VDAC1: variants seen among roughly 807,000 people sequenced by gnomAD.
VDAC1 encodes voltage dependent anion channel 1, also known as non-selective voltage-gated ion channel VDAC1.
In VDAC1, 10 loss-of-function variants were observed where a neutral mutation model predicts 34.7. That is an observed-to-expected ratio of 0.29 (90% confidence interval 0.18 to 0.49). VDAC1 has a LOEUF of 0.49. Among genes scored for constraint, VDAC1 ranks in the 20% least tolerant of loss-of-function variants. The probability of loss-of-function intolerance (pLI) is 0.99; values close to 1 mark genes in which losing one functional copy is unlikely to be tolerated. For synonymous variants in VDAC1, 130 were observed against 136.0 expected, an observed-to-expected ratio of 0.96 and a Z score of 0.30; for missense variants, 230 against 347.9, an observed-to-expected ratio of 0.66 and a Z score of 2.69.
At chr5:133,988,081 C>G (rs1296234522) in intron 5 of VDAC1, among the ~76,000 whole-genome samples, 2 of 152,144 alleles carry the variant, frequency 1.3e-5, no homozygotes, top group Non-Finnish European at 2.9e-5. Flanking sequence ...ATTTAGGAAC[C>G]TGAACTGGAT....
At chr5:134,085,066 T>TTC in the VDAC1 span, among the ~76,000 whole-genome samples, 1 of 126,902 alleles carries the variant, frequency 7.9e-6, no homozygotes, top group African/African-American at 2.7e-5. Flanking sequence ...ATGATCTCTT[T>TTC]TTTTCTTTTC....
chr5:134,089,566 T>G, the VDAC1 span, among the ~76,000 whole-genome samples: 1 of 151,696 alleles, frequency 6.6e-6, no homozygotes, highest in Admixed American at 6.6e-5. Flanking sequence ...TGAGGAGAGG[T>G]GGGGGGAGCC....
At chr5:134,083,055 G>A in the VDAC1 span, among the ~76,000 whole-genome samples, 3,065 of 152,248 alleles carry the variant, frequency 0.02, 89 homozygotes, top group African/African-American at 0.069. Context: ...ACCTTGCAAT[G>A]GATGCAGATT....
chr5:134,113,067 G>A, the VDAC1 span, among the ~76,000 whole-genome samples: 5 of 152,200 alleles, frequency 3.3e-5, no homozygotes, highest in African/African-American at 7.2e-5. Context: ...TTGAGGTGGC[G>A]GAGGCTCTGA....
intron 1 of VDAC1, among the ~76,000 whole-genome samples, chr5:134,003,165 G>A (rs1160693030): frequency 1.3e-5 from 2 of 152,192 alleles, no homozygotes; most frequent in Admixed American, 1.3e-4. Flanking sequence ...AGCACCTACT[G>A]TGTGCCAGGC....
chr5:134,102,529 G>A, the VDAC1 span, among the ~76,000 whole-genome samples: 3 of 151,996 alleles, frequency 2.0e-5, no homozygotes, highest in South Asian at 2.1e-4. Context: ...TTAGCCAGGC[G>A]TGGTGGCGCA....
the VDAC1 span, among the ~76,000 whole-genome samples, chr5:134,025,588 CTTAT>C: frequency 0.15 from 22,346 of 151,486 alleles, 1,808 homozygotes; most frequent in East Asian, 0.32. Flanking sequence ...CTCCCTCTCT[CTTAT>C]TTATTTATTT....
the VDAC1 span, among the ~76,000 whole-genome samples, chr5:134,045,536 A>T: frequency 1.3e-5 from 2 of 152,172 alleles, no homozygotes; most frequent in Non-Finnish European, 2.9e-5. Context: ...AGCCAGCAGC[A>T]TCTCCAAATC....
the VDAC1 span, among the ~76,000 whole-genome samples, chr5:134,053,250 A>G: frequency 6.6e-6 from 1 of 152,226 alleles, no homozygotes; most frequent in South Asian, 2.1e-4. Context: ...TAAATGAGGA[A>G]AATGAAGCAT....
chr5:134,008,870 A>C (rs1753792851), upstream of VDAC1, among the ~76,000 whole-genome samples: 1 of 152,190 alleles, frequency 6.6e-6, no homozygotes, highest in Non-Finnish European at 1.5e-5. Context: ...TTTTCCAGTG[A>C]ACTCCTCAGA....
chr5:134,098,243 G>A, the VDAC1 span, among the ~76,000 whole-genome samples: 4 of 151,354 alleles, frequency 2.6e-5, no homozygotes, highest in Admixed American at 6.6e-5. Context: ...CACCCAGGCC[G>A]CAGTGCAGTG....
intron 5 of VDAC1, among the ~76,000 whole-genome samples, chr5:133,981,827 G>A (rs146719683): frequency 3.1e-4 from 47 of 152,246 alleles, no homozygotes; most frequent in Non-Finnish European, 5.7e-4. Context: ...TTACAAGATC[G>A]ACATCTCCCA....
the VDAC1 span, among the ~76,000 whole-genome samples, chr5:134,032,996 C>G: frequency 1.3e-5 from 2 of 150,654 alleles, no homozygotes; most frequent in Non-Finnish European, 3.0e-5. Flanking sequence ...GCACTCCAGC[C>G]TGGGGGCAGA....
chr5:134,102,009 C>T, the VDAC1 span, among the ~76,000 whole-genome samples: 1 of 152,242 alleles, frequency 6.6e-6, no homozygotes, highest in Admixed American at 6.5e-5. Flanking sequence ...GTGACTGGAA[C>T]GAGACTGCAT....
At chr5:134,100,741 A>G in the VDAC1 span, among the ~76,000 whole-genome samples, 171 of 152,374 alleles carry the variant, frequency 1.1e-3, no homozygotes, top group East Asian at 9.6e-4. Flanking sequence ...GCCATGGCCC[A>G]GCACTCTAGA....
intron 6 of VDAC1, 40 bp downstream of exon 6, chr5:133,980,689 A>AGCCCCCCCCCCCCCCC: frequency 1.2e-5 from 7 of 564,058 alleles, no homozygotes; most frequent in Non-Finnish European, 1.7e-5. Flanking sequence ...ACATGCTCCA[A>AGCCCCCCCCCCCCCCC]CCCCACCCCT....
the VDAC1 span, among the ~76,000 whole-genome samples, chr5:134,065,337 A>ATTTTTT: frequency 5.1e-4 from 52 of 101,374 alleles, no homozygotes; most frequent in South Asian, 9.8e-4. Flanking sequence ...TTTAATTTTA[A>ATTTTTT]TTTTTTTTTT....
chr5:134,046,266 G>C, the VDAC1 span, among the ~76,000 whole-genome samples: 1 of 152,012 alleles, frequency 6.6e-6, no homozygotes, highest in South Asian at 2.1e-4. Context: ...CTGACCTCGT[G>C]ATCCACCCAC....
the VDAC1 span, among the ~76,000 whole-genome samples, chr5:134,040,539 C>G: frequency 6.6e-6 from 1 of 151,432 alleles, no homozygotes; most frequent in South Asian, 2.1e-4. Flanking sequence ...CACGCCATTG[C>G]ACTCCAGCCT....
Sources: allele counts gnomAD v4.1 joint callset (sites outside exome capture counted in the v4.1 genomes callset), GRCh38; gene constraint gnomAD v4.1.1; transcripts MANE v1.5; gene names NCBI Gene and HGNC (gene_info 2026-07-23, HGNC 2026-07-21).